Variants in DIS3L2 observed in about 807,000 individuals in gnomAD.
DIS3L2 encodes DIS3-like exonuclease 2.
In DIS3L2, 34 loss-of-function variants were observed where a neutral mutation model predicts 97.5. The ratio of observed to expected loss-of-function variants is 0.35; its 90% CI spans 0.27 to 0.46. DIS3L2 has a LOEUF of 0.46. DIS3L2 is among the 20% of genes least tolerant of loss of function. The pLI, the probability that DIS3L2 is intolerant of heterozygous loss-of-function variation, is 1.00. For synonymous variants in DIS3L2, 435 were observed against 445.2 expected, an observed-to-expected ratio of 0.98 and a Z score of 0.29; for missense variants, 1,038 against 1,146.0, an observed-to-expected ratio of 0.91 and a Z score of 1.36.
chr2:231,983,860 G>T (rs1158730625), intron 1 of DIS3L2, among the ~76,000 whole-genome samples: 9 of 149,534 alleles, frequency 6.0e-5, no homozygotes, highest in Non-Finnish European at 8.9e-5. Context: ...CTGCCCTCCA[G>T]CCTTGGCAAC....
At chr2:232,305,780 C>A (rs774822060) in intron 14 of DIS3L2, among the ~76,000 whole-genome samples, 1 of 151,986 alleles carries the variant, frequency 6.6e-6, no homozygotes, top group Non-Finnish European at 1.5e-5. Flanking sequence ...CATGGTGAAA[C>A]CCTGTATCTA....
At chr2:232,277,267 C>T (rs546990233) in intron 13 of DIS3L2, among the ~76,000 whole-genome samples, 7 of 152,258 alleles carry the variant, frequency 4.6e-5, no homozygotes, top group Admixed American at 2.6e-4. Context: ...AACATCACGC[C>T]CCAAGTCACG....
chr2:232,280,658 A>T (rs922505403), intron 13 of DIS3L2, among the ~76,000 whole-genome samples: 1 of 152,192 alleles, frequency 6.6e-6, no homozygotes. Context: ...TGGGTGAGAG[A>T]CCAAGGATTG....
intron 5 of DIS3L2, among the ~76,000 whole-genome samples, chr2:232,085,726 T>C (rs1336304266): frequency 6.6e-6 from 1 of 152,212 alleles, no homozygotes. Context: ...TGTATTTTAA[T>C]ATAGTGTCCA....
At chr2:232,100,720 AT>A (rs1269255699) in intron 6 of DIS3L2, among the ~76,000 whole-genome samples, 1 of 151,264 alleles carries the variant, frequency 6.6e-6, no homozygotes, top group African/African-American at 2.4e-5. Flanking sequence ...TGTATATTTA[AT>A]TCTTTATAGT....
intron 1 of DIS3L2, among the ~76,000 whole-genome samples, chr2:232,000,052 G>A (rs1365175380): frequency 6.6e-6 from 1 of 151,932 alleles, no homozygotes; most frequent in African/African-American, 2.4e-5. Context: ...AAAAAATGTG[G>A]ATGCTCAGGT....
At chr2:232,289,206 C>T (rs556284349) in intron 13 of DIS3L2, among the ~76,000 whole-genome samples, 6 of 151,696 alleles carry the variant, frequency 4.0e-5, no homozygotes, top group South Asian at 2.1e-4. Flanking sequence ...CAGTGGACAG[C>T]GTTTGCATTT....
chr2:232,245,665 A>G (rs1292052318), intron 11 of DIS3L2, among the ~76,000 whole-genome samples: 2 of 152,016 alleles, frequency 1.3e-5, no homozygotes, highest in Non-Finnish European at 2.9e-5. Context: ...ATATAATTAT[A>G]CTAACCAAAA....
rs1227393484 is a variant in DIS3L2 at position 232,023,658 on chromosome 2, T to C, written c.211-619T>C. Among the ~76,000 whole-genome samples, 4 of 152,126 alleles carry C rather than the reference T, an allele frequency of 2.6e-5. No individual in the cohort carries two copies. In the East Asian group the frequency reaches 7.7e-4, roughly 29 times the overall value. On this transcript the variant is annotated intron_variant, in intron 3 of 20. Coordinates refer to ENST00000325385, the MANE Select transcript of DIS3L2 (RefSeq NM_152383.5). ...ACCCTGATTTGGTGCTGGAATAACA[T>C]GAAGTTGAAGGCAGACTGGGTGGCC...
intron 6 of DIS3L2, among the ~76,000 whole-genome samples, chr2:232,094,396 G>A (rs1450008344): frequency 6.6e-6 from 1 of 152,106 alleles, no homozygotes; most frequent in Non-Finnish European, 1.5e-5. Context: ...TGCGAGATCT[G>A]TCAAATGCTG....
intron 13 of DIS3L2, among the ~76,000 whole-genome samples, chr2:232,283,146 A>G (rs1352828352): frequency 6.6e-6 from 1 of 152,226 alleles, no homozygotes; most frequent in Non-Finnish European, 1.5e-5. Context: ...GCTTTCACAC[A>G]TTCGATCATT....
chr2:231,990,966 A>G (rs1417580581), intron 1 of DIS3L2, among the ~76,000 whole-genome samples: 1 of 151,786 alleles, frequency 6.6e-6, no homozygotes, highest in Non-Finnish European at 1.5e-5. Flanking sequence ...TGTCTTTAAG[A>G]GTTTTCTTTT....
At chr2:232,334,553 G>A in intron 18 of DIS3L2, 54 bp downstream of exon 18, 1 of 1,607,840 alleles carries the variant, frequency 6.2e-7, no homozygotes, top group East Asian at 2.2e-5. Context: ...GACCCTCCTG[G>A]GCACCTGCTC....
intron 1 of DIS3L2, among the ~76,000 whole-genome samples, chr2:231,978,168 A>T (rs1693151377): frequency 6.6e-6 from 1 of 152,262 alleles, no homozygotes; most frequent in Non-Finnish European, 1.5e-5. Flanking sequence ...TTACAAAGTA[A>T]TGTATGCAAA....
intron 5 of DIS3L2, among the ~76,000 whole-genome samples, chr2:232,030,574 A>G (rs1227692098): frequency 6.6e-6 from 1 of 152,202 alleles, no homozygotes; most frequent in Non-Finnish European, 1.5e-5. Context: ...TAAATCAGGG[A>G]TTTAGTGGCA....
downstream of DIS3L2, among the ~76,000 whole-genome samples, chr2:232,338,950 G>C (rs1291128336): frequency 3.7e-4 from 56 of 152,266 alleles, no homozygotes; most frequent in East Asian, 7.4e-3. Context: ...GAGACACCGT[G>C]GGGGAGGGAG....
intron 10 of DIS3L2, among the ~76,000 whole-genome samples, chr2:232,219,404 C>G (rs1692433402): frequency 6.6e-6 from 1 of 152,148 alleles, no homozygotes. Flanking sequence ...TGTTTCACTC[C>G]TTTTTCTGGT....
rs191075757 is a variant in DIS3L2 at position 232,308,817 on chromosome 2, G to A, written c.1739+8698G>A. On this transcript the variant is annotated intron_variant, in intron 14 of 20. Coordinates refer to ENST00000325385, the MANE Select transcript of DIS3L2 (RefSeq NM_152383.5). ...GGGCTTAGCCTGCTTGGCATCCCCC[G>A]GGGTCTCAGAACACACTCTCTAGAC... Among the ~76,000 whole-genome samples, 658 of 152,248 alleles carry A rather than the reference G, an allele frequency of 4.3e-3. 10 individuals are homozygous for A. Among genetic ancestry groups the A allele is most frequent in the African/African-American group, 0.015 (624 of 41,540 alleles).
At chr2:232,125,762 A>G (rs1477030686) in intron 6 of DIS3L2, among the ~76,000 whole-genome samples, 1 of 152,178 alleles carries the variant, frequency 6.6e-6, no homozygotes, top group East Asian at 1.9e-4. Flanking sequence ...GTGGGGTCCT[A>G]GAATGATCAT....
Sources: allele counts gnomAD v4.1 joint callset (sites outside exome capture counted in the v4.1 genomes callset), GRCh38; gene constraint gnomAD v4.1.1; transcripts MANE v1.5; gene names NCBI Gene and HGNC (gene_info 2026-07-23, HGNC 2026-07-21).